Variants in KDM6A observed in about 807,000 individuals in gnomAD.
The protein encoded by KDM6A is lysine-specific demethylase 6A.
Under a neutral mutation model 117.6 loss-of-function variants are expected in KDM6A, and 11 were observed. The ratio of observed to expected loss-of-function variants is 0.09; its 90% CI spans 0.06 to 0.15. KDM6A has a LOEUF of 0.15. KDM6A is among the 10% of genes least tolerant of loss of function. The pLI is 1.00. For missense variants in KDM6A, 799 were observed against 1,077.3 expected (o/e 0.74, Z 3.62); for synonymous variants, 384 against 396.1 (o/e 0.97, Z 0.36).
In KDM6A at chrX:44,990,553, C is replaced by CATAAATAAATAAATAAATAA. The variant is rs373439965; in HGVS notation, c.384+15856_384+15875dup. On this transcript the variant is annotated intron_variant, in intron 4 of 29. Transcript: ENST00000611820. ...CAACGAGCGAAACTGTGTCTCAAAACATAAATAAATAAATAAATAAATAAA... is the reference window on the plus strand; with the variant it reads ...CAACGAGCGAAACTGTGTCTCAAAACATAAATAAATAAATAAATAAATAAATAAATAAATAAATAAATAAA... Among the ~76,000 whole-genome samples, 263 of 93,826 alleles carry CATAAATAAATAAATAAATAA rather than the reference C, an allele frequency of 2.8e-3. 1 individual carries two copies. Among genetic ancestry groups the CATAAATAAATAAATAAATAA allele is most frequent in the South Asian group, 4.5e-3 (8 of 1,770 alleles). The allele number at this position is 93,826 out of a possible 115,157, so 81.5% of individuals were successfully genotyped here. A position where few individuals can be genotyped will look rare whatever the true frequency, so the allele number is the denominator to read the frequency against.
intron 6 of KDM6A, among the ~76,000 whole-genome samples, chrX:45,026,093 T>C (rs1460246599): frequency 8.9e-6 from 1 of 112,479 alleles, no homozygotes; most frequent in Non-Finnish European, 1.9e-5. Context: ...TGCCTACTTA[T>C]AGAACAGGCT....
intron 2 of KDM6A, among the ~76,000 whole-genome samples, chrX:44,957,871 G>T (rs982271464): frequency 8.9e-6 from 1 of 111,791 alleles, no homozygotes; most frequent in East Asian, 2.8e-4. Flanking sequence ...TAGGCTTTAA[G>T]AATTATCTAG....
chrX:44,887,990 G>A (rs1228193017), intron 2 of KDM6A, among the ~76,000 whole-genome samples: 4 of 109,819 alleles, frequency 3.6e-5, no homozygotes, highest in East Asian at 6.1e-4. Flanking sequence ...GTGAGACTCC[G>A]TCTCTTTAAA....
At chrX:44,907,423 G>A (rs1040496378) in intron 2 of KDM6A, among the ~76,000 whole-genome samples, 3 of 107,203 alleles carry the variant, frequency 2.8e-5, no homozygotes, top group African/African-American at 1.0e-4. Context: ...GATTACAGGC[G>A]TGTGCCACCA....
At chrX:44,883,412 G>A (rs1447463369) in intron 2 of KDM6A, among the ~76,000 whole-genome samples, 7 of 108,092 alleles carry the variant, frequency 6.5e-5, no homozygotes, top group Non-Finnish European at 7.7e-5. Flanking sequence ...TCGCTCTGTC[G>A]TCCAGGCTGG....
chrX:45,071,219 G>A (rs1376459123), intron 18 of KDM6A, among the ~76,000 whole-genome samples: 2 of 112,143 alleles, frequency 1.8e-5, no homozygotes, highest in Non-Finnish European at 3.8e-5. Flanking sequence ...AGTTTGAGCA[G>A]ACATATAGTA....
chrX:45,075,446 C>T (rs2045071287), intron 18 of KDM6A, among the ~76,000 whole-genome samples: 1 of 111,667 alleles, frequency 9.0e-6, no homozygotes, highest in Non-Finnish European at 1.9e-5. Context: ...TTTAACCTTA[C>T]TTGTTAGCTG....
rs796121677 is a variant in KDM6A at position 44,932,084 on chromosome X, CTTTTTTTTTTTTTTTT to C, written c.226-29187_226-29172del. Among the ~76,000 whole-genome samples, 4 of 17,091 alleles carry C rather than the reference CTTTTTTTTTTTTTTTT, an allele frequency of 2.3e-4. No homozygotes were observed. The East Asian group carries it at 0.012, about 51-fold the overall frequency. 14.8% of individuals were successfully genotyped at this position (17,091 alleles called of 115,157 possible). On this transcript the variant is annotated intron_variant, in intron 2 of 29. Transcript: ENST00000611820. The stretch of plus-strand genomic sequence containing the variant: ...GCTGGTCCTGATTGCTCTAGGTAGC[CTTTTTTTTTTTTTTTT>C]TTTTTTTTTTTTAAGATGGAGTCTC...
intron 2 of KDM6A, among the ~76,000 whole-genome samples, chrX:44,947,428 T>C (rs1434697672): frequency 9.4e-6 from 1 of 106,315 alleles, no homozygotes; most frequent in Non-Finnish European, 1.9e-5. Flanking sequence ...CAGGCTGGAG[T>C]GCAGTGGCGT....
rs2148143273 is a variant in KDM6A at position 45,082,709 on chromosome X, T to C, written c.3366-6T>C. 1 of 1,202,939 alleles carries C rather than the reference T, an allele frequency of 8.3e-7. No individual in the cohort carries two copies. Among genetic ancestry groups the C allele is most frequent in the Middle Eastern group, 2.3e-4 (1 of 4,257 alleles). The stretch of plus-strand genomic sequence containing the variant: ...CATGTTTCTAATACTGTGTCTCTTT[T>C]TTAAGTTCTGGGAGGAGGAGGAAAG... On this transcript the variant is annotated splice_region_variant and splice_polypyrimidine_tract_variant and intron_variant, in intron 22 of 29. Transcript: ENST00000611820.
At chrX:45,067,658 T>G (rs1006165590) in intron 17 of KDM6A, among the ~76,000 whole-genome samples, 5 of 96,965 alleles carry the variant, frequency 5.2e-5, no homozygotes, top group Admixed American at 4.3e-4. Context: ...TTTTTGTTTT[T>G]TTTTTTTTTT....
chrX:45,012,335 G>A (rs1477165871), intron 5 of KDM6A, among the ~76,000 whole-genome samples: 1 of 107,683 alleles, frequency 9.3e-6, no homozygotes, highest in Non-Finnish European at 1.9e-5. Flanking sequence ...CAAGTAGCTG[G>A]GATTACAGGC....
chrX:44,874,833 C>T (rs1437205910), intron 2 of KDM6A, among the ~76,000 whole-genome samples: 1 of 110,619 alleles, frequency 9.0e-6, no homozygotes. Context: ...AAATAGTAGC[C>T]GTGAATAAGC....
chrX:44,997,251 G>A (rs748200559), intron 4 of KDM6A, among the ~76,000 whole-genome samples: 37 of 112,252 alleles, frequency 3.3e-4, no homozygotes, highest in African/African-American at 1.2e-3. Context: ...TGTGGGCTTG[G>A]AGAATTAGTG....
At chrX:44,999,459 A>G (rs989410077) in intron 4 of KDM6A, among the ~76,000 whole-genome samples, 7 of 111,100 alleles carry the variant, frequency 6.3e-5, no homozygotes, top group Non-Finnish European at 1.3e-4. Flanking sequence ...AAAAATGGTT[A>G]TGACAGAGCA....
intron 3 of KDM6A, among the ~76,000 whole-genome samples, chrX:44,968,935 A>G (rs955630429): frequency 9.7e-6 from 1 of 103,400 alleles, no homozygotes; most frequent in South Asian, 4.5e-4. Flanking sequence ...ACGCCATTGC[A>G]CTCCAGCCTG....
Position 44,873,352 on chromosome X carries a change from G to T in KDM6A, c.-200G>T. ...AGCCGAAAGCCGCCGCTGCCGACCC[G>T]GGGGCTCCGCAGCCCCTGCCGCCGC... On this transcript the variant is annotated 5_prime_UTR_variant, in exon 1 of 30. Transcript: ENST00000611820. 1 of 390,307 alleles carries T rather than the reference G, an allele frequency of 2.6e-6. No homozygotes were observed. The highest frequency in any genetic ancestry group is 4.0e-6 in the Non-Finnish European group (1 of 249,767). The allele number at this position is 390,307 out of a possible 1,213,427, so 32.2% of individuals were successfully genotyped here.
At chrX:45,008,883 C>T (rs2147569492) in intron 4 of KDM6A, among the ~76,000 whole-genome samples, 1 of 111,856 alleles carries the variant, frequency 8.9e-6, no homozygotes, top group Non-Finnish European at 1.9e-5. Context: ...ATAATTTCCT[C>T]ATTCGGAAAA....
intron 2 of KDM6A, among the ~76,000 whole-genome samples, chrX:44,928,050 G>A (rs1422849579): frequency 9.0e-6 from 1 of 111,508 alleles, no homozygotes; most frequent in Non-Finnish European, 1.9e-5. Context: ...GACTATAAAG[G>A]AGACTAAAAT....
Sources: gnomAD v4.1 joint callset for allele counts (sites outside exome capture counted in the v4.1 genomes callset) on GRCh38, gnomAD v4.1.1 for gene constraint, MANE v1.5 for transcripts, NCBI Gene and HGNC (gene_info 2026-07-23, HGNC 2026-07-21) for gene names.